HKDC1: variants seen among roughly 807,000 people sequenced by gnomAD.
HKDC1 encodes hexokinase domain containing 1, also known as hexokinase HKDC1.
Under a neutral mutation model 96.6 loss-of-function variants are expected in HKDC1, and 66 were observed. The ratio of observed to expected loss-of-function variants is 0.68; its 90% CI spans 0.56 to 0.84. The LOEUF is 0.84. HKDC1 is among the 40% of genes least tolerant of loss of function. The probability of loss-of-function intolerance (pLI) is 0.00; values close to 1 mark genes in which losing one functional copy is unlikely to be tolerated. For synonymous variants in HKDC1, 466 were observed against 473.1 expected (o/e 0.98, Z 0.20); for missense variants, 1,211 against 1,208.1 (o/e 1.00, Z -0.04).
At position 69,250,636 on chromosome 10, in the gene HKDC1, A is replaced by C. The variant is rs1400723259; in HGVS notation, c.1820A>C (p.Gln607Pro). 6.2e-7 allele frequency: 1 copy of C among 1,613,950 alleles called. No individual in the cohort carries two copies. Among genetic ancestry groups the C allele is most frequent in the Non-Finnish European group, 8.5e-7 (1 of 1,180,006 alleles). The part of the protein sequence containing the change: ...LGFTFSFPCR[Q>P]MSIDKGTLIG... ...TTCACATTCTCATTTCCCTGCAGGC[A>C]GATGAGCATTGACAAGGTAAGATAG... Residue 607 changes from glutamine (Q) to proline (P), a missense_variant, in exon 12 of 18, where the codon CAG becomes CCG. Transcript: ENST00000354624.
At chr10:69,248,253 G>A in intron 9 of HKDC1, among the ~76,000 whole-genome samples, 171 bp from the exon 10 acceptor site, 1 of 152,126 alleles carries the variant, frequency 6.6e-6, no homozygotes, top group Non-Finnish European at 1.5e-5. Flanking sequence ...CACTGCCCCA[G>A]CTTCTTAGTC....
chr10:69,265,520 G>T, intron 16 of HKDC1, 65 bp from the exon 17 acceptor site: 1 of 1,405,056 alleles, frequency 7.1e-7, no homozygotes, highest in East Asian at 2.3e-5. Flanking sequence ...GAGGCTGTGG[G>T]TCACACTGGG....
chr10:69,266,833 C>T lies in HKDC1; in HGVS notation c.*76C>T, dbSNP rs568601259. On this transcript the variant is annotated 3_prime_UTR_variant, in exon 18 of 18. Coordinates refer to ENST00000354624, the MANE Select transcript of HKDC1 (RefSeq NM_025130.4). ...TCTGGCAGATCAGTTGGTCAGAGAC[C>T]AATGGGCACCCTCCTGGCTGACCTC... 2.5e-5 allele frequency: 37 copies of T among 1,452,720 alleles called. No individual in the cohort carries two copies. The South Asian group carries it at 4.6e-4, about 18-fold the overall frequency. The allele number at this position is 1,452,720 out of a possible 1,614,324, so 90.0% of individuals were successfully genotyped here.
chr10:69,221,149 T>TA (rs111985613), intron 1 of HKDC1, among the ~76,000 whole-genome samples: 12 of 151,098 alleles, frequency 7.9e-5, no homozygotes, highest in East Asian at 1.9e-4. Context: ...AGACTTCATC[T>TA]AAAAAAAAAG....
chr10:69,246,993 A>C (rs1490305236), intron 8 of HKDC1, among the ~76,000 whole-genome samples: 2 of 152,230 alleles, frequency 1.3e-5, no homozygotes, highest in Non-Finnish European at 2.9e-5. Flanking sequence ...TGGGTGCTAG[A>C]ATCTAACTGC....
intron 13 of HKDC1, 29 bp from the exon 14 acceptor site, chr10:69,257,298 G>T (rs191506313): frequency 5.7e-5 from 90 of 1,588,210 alleles, no homozygotes; most frequent in Admixed American, 2.5e-4. Context: ...GTAAAGCTGG[G>T]TTTTTTTTGT....
In HKDC1 at chr10:69,267,376, A is replaced by G; in HGVS notation, c.*619A>G. ...TTGCATGCTTAAAGCGAGTTATGTCAGCACCCTGTAGGATTTTGTTCCTTA... is the reference window on the plus strand; with the variant it reads ...TTGCATGCTTAAAGCGAGTTATGTCGGCACCCTGTAGGATTTTGTTCCTTA... On this transcript the variant is annotated 3_prime_UTR_variant, in exon 18 of 18. Coordinates refer to ENST00000354624, the MANE Select transcript of HKDC1 (RefSeq NM_025130.4). 2.4e-6 allele frequency: 1 copy of G among 421,254 alleles called. No individual in the cohort carries two copies. Among genetic ancestry groups the G allele is most frequent in the Non-Finnish European group, 4.6e-6 (1 of 215,700 alleles). 26.1% of individuals were successfully genotyped at this position (421,254 alleles called of 1,614,324 possible).
intron 15 of HKDC1, among the ~76,000 whole-genome samples, chr10:69,260,107 A>G (rs1190454517): frequency 6.6e-6 from 1 of 152,218 alleles, no homozygotes; most frequent in Non-Finnish European, 1.5e-5. Context: ...AATGGGAAAC[A>G]TAGATTTATT....
At position 69,237,289 on chromosome 10, in the gene HKDC1, G is replaced by A. The variant is rs988292429; in HGVS notation, c.496-1753G>A. Among the ~76,000 whole-genome samples, 79 of 109,466 alleles carry A rather than the reference G, an allele frequency of 7.2e-4. 1 individual carries two copies. The highest frequency in any genetic ancestry group is 2.9e-3 in the African/African-American group (75 of 26,116). The allele number at this position is 109,466 out of a possible 152,430, so 71.8% of individuals were successfully genotyped here. ...AAGAGAAATTTCTTTGTGTGTGTGTGTGTGTGTGTGTGTGTGTGTGTGTGT... is the reference window on the plus strand; with the variant it reads ...AAGAGAAATTTCTTTGTGTGTGTGTATGTGTGTGTGTGTGTGTGTGTGTGT... On this transcript the variant is annotated intron_variant, in intron 4 of 17. Transcript: ENST00000354624.
intron 6 of HKDC1, 73 bp from the exon 7 acceptor site, chr10:69,243,109 G>T (rs1843478325): frequency 4.1e-6 from 6 of 1,455,788 alleles, no homozygotes; most frequent in Non-Finnish European, 5.8e-6. Flanking sequence ...GGACTCCCCA[G>T]CAGTCAAGAG....
At chr10:69,232,552 A>G (rs1449357099) in intron 2 of HKDC1, 1 of 579,748 alleles carries the variant, frequency 1.7e-6, no homozygotes, top group Non-Finnish European at 3.1e-6. Context: ...CTCAGGCTGC[A>G]GAGTCAGGCT....
At chr10:69,231,785 T>A (rs1843265259) in intron 2 of HKDC1, among the ~76,000 whole-genome samples, 1 of 152,190 alleles carries the variant, frequency 6.6e-6, no homozygotes, top group African/African-American at 2.4e-5. Context: ...GATTGTGGGA[T>A]CTACCCTACC....
intron 6 of HKDC1, among the ~76,000 whole-genome samples, chr10:69,242,967 C>T (rs796773427): frequency 3.9e-5 from 6 of 152,300 alleles, no homozygotes; most frequent in African/African-American, 1.2e-4. Flanking sequence ...AACAGCAAAC[C>T]CTGAGCACCC....
chr10:69,266,502 T>C, intron 17 of HKDC1, 108 bp from the exon 18 acceptor site: 1 of 1,272,760 alleles, frequency 7.9e-7, no homozygotes. Context: ...TTTAGAGCCT[T>C]GAAAAGCAAA....
At chr10:69,221,910 GA>G (rs568062600) in intron 1 of HKDC1, among the ~76,000 whole-genome samples, 5 of 147,342 alleles carry the variant, frequency 3.4e-5, no homozygotes, top group East Asian at 2.0e-4. Flanking sequence ...GACCCTGTCT[GA>G]AAAAAAAAGG....
In HKDC1 at chr10:69,247,416, C is replaced by A. The variant is rs200034765; in HGVS notation, c.1088C>A (p.Pro363Gln). 6.2e-7 allele frequency: 1 copy of A among 1,613,954 alleles called. No homozygotes were observed. The highest frequency in any genetic ancestry group is 8.5e-7 in the Non-Finnish European group (1 of 1,179,966). ...REILVDLGLEPSEADCIAVQH... is the reference protein window; with the variant it reads ...REILVDLGLEQSEADCIAVQH... ...ATCCTGGTGGACCTGGGTCTGGAAC[C>A]GTCTGAGGCTGACTGCATTGCCGTC... is the stretch of plus-strand genomic sequence containing the variant. Residue 363 changes from proline to glutamine, a missense_variant, in exon 9 of 18, where the codon CCG becomes CAG. Pro to Gln is a moderately conservative substitution (Grantham distance 76). Coordinates refer to ENST00000354624, the MANE Select transcript of HKDC1 (RefSeq NM_025130.4).
At chr10:69,263,593 C>T (rs936892729) in intron 16 of HKDC1, among the ~76,000 whole-genome samples, 2 of 152,318 alleles carry the variant, frequency 1.3e-5, no homozygotes, top group East Asian at 1.9e-4. Context: ...ATCTCCACTA[C>T]TTAACCTGTT....
At chr10:69,260,048 G>A (rs1438490402) in intron 15 of HKDC1, among the ~76,000 whole-genome samples, 1 of 152,198 alleles carries the variant, frequency 6.6e-6, no homozygotes, top group African/African-American at 2.4e-5. Flanking sequence ...GGTTTTGCAG[G>A]CCATATGGTC....
chr10:69,223,008 G>A (rs1843091652), intron 1 of HKDC1: 1 of 151,982 alleles, frequency 6.6e-6, no homozygotes, highest in African/African-American at 2.4e-5. Flanking sequence ...CTGAGACCCT[G>A]GAACAATTTC....
Sources: gnomAD v4.1 joint callset for allele counts (sites outside exome capture counted in the v4.1 genomes callset) on GRCh38, gnomAD v4.1.1 for gene constraint, MANE v1.5 for transcripts, NCBI Gene and HGNC (gene_info 2026-07-23, HGNC 2026-07-21) for gene names.